Variants in PRKN observed in about 807,000 individuals in gnomAD.
PRKN encodes the protein parkin RBR E3 ubiquitin protein ligase, also known as E3 ubiquitin-protein ligase parkin.
Under a neutral mutation model 59.5 loss-of-function variants are expected in PRKN, and 56 were observed. The observed-to-expected ratio is 0.94, with a 90% CI of 0.76 to 1.18. PRKN has a LOEUF of 1.18. PRKN is among the 50% of genes most tolerant of loss of function. The probability of loss-of-function intolerance (pLI) is 0.00; values close to 1 mark genes in which losing one functional copy is unlikely to be tolerated. For synonymous variants in PRKN, 250 were observed against 222.1 expected, an observed-to-expected ratio of 1.13 and a Z score of -1.12; for missense variants, 657 against 596.4, an observed-to-expected ratio of 1.10 and a Z score of -1.06.
chr6:162,410,636 TGAA>T (rs1369433392), intron 2 of PRKN, among the ~76,000 whole-genome samples: 1 of 152,120 alleles, frequency 6.6e-6, no homozygotes, highest in East Asian at 1.9e-4. Flanking sequence ...TGATTGAAAG[TGAA>T]GATAATTTTT....
chr6:162,137,605 C>G lies in PRKN; in HGVS notation c.534+63526G>C, dbSNP rs546397386. Among the ~76,000 whole-genome samples the G allele has an allele frequency of 1.4e-4, 22 of 152,222 alleles. No homozygotes were observed. The South Asian group carries it at 3.9e-3, about 27-fold the overall frequency. On this transcript the variant is annotated intron_variant, in intron 4 of 11. Transcript: ENST00000366898. Reference sequence around the variant, plus strand: ...CTCACAGCTCTGGGGACTGGGAGGTCCAGTATCAAGGTGCTGGCATCTGGC... The same window carrying G: ...CTCACAGCTCTGGGGACTGGGAGGTGCAGTATCAAGGTGCTGGCATCTGGC...
chr6:161,645,256 A>C (rs1426429575), intron 7 of PRKN, among the ~76,000 whole-genome samples: 1 of 152,186 alleles, frequency 6.6e-6, no homozygotes, highest in Admixed American at 6.5e-5. Context: ...AAAAAAAAAA[A>C]AATGAATTAC....
At chr6:161,876,408 C>T (rs1182604947) in intron 6 of PRKN, among the ~76,000 whole-genome samples, 1 of 152,146 alleles carries the variant, frequency 6.6e-6, no homozygotes, top group Non-Finnish European at 1.5e-5. Context: ...ACCTTCTGGG[C>T]TTAAGCAATC....
rs186267299 is a variant in PRKN at position 161,526,731 on chromosome 6, T to A, written c.1083+22123A>T. On this transcript the variant is annotated intron_variant, in intron 9 of 11. Coordinates refer to ENST00000366898, the MANE Select transcript of PRKN (RefSeq NM_004562.3). This position sits in a 1 kb window ranked among gnomAD's most constrained non-coding sequence, Gnocchi z 4.1. ...TGTAGGGGACAGAAAAGACTTTCTT[T>A]ATCCTCTGAAGGTTCGATAATGTAG... Among the ~76,000 whole-genome samples the A allele has an allele frequency of 2.3e-3, 343 of 152,290 alleles. 1 individual carries two copies. The highest frequency in any genetic ancestry group is 0.014 in the Middle Eastern group (4 of 294).
intron 9 of PRKN, among the ~76,000 whole-genome samples, chr6:161,509,900 AAAAG>A (rs1306928976): frequency 2.2e-4 from 32 of 144,586 alleles, no homozygotes; most frequent in Admixed American, 6.2e-4. Context: ...AAAAAAAAAA[AAAAG>A]TTAAGCCACA....
At chr6:161,674,580 C>G (rs1785022591) in intron 7 of PRKN, among the ~76,000 whole-genome samples, 1 of 152,072 alleles carries the variant, frequency 6.6e-6, no homozygotes, top group African/African-American at 2.4e-5. Flanking sequence ...ATTTTAGATT[C>G]AGGAGGTACA....
chr6:161,865,115 T>C (rs1794062428), intron 6 of PRKN, among the ~76,000 whole-genome samples: 1 of 152,228 alleles, frequency 6.6e-6, no homozygotes, highest in Non-Finnish European at 1.5e-5. Flanking sequence ...CATGTCCTTG[T>C]ACATCTCCAT....
rs1027057997 is a variant in PRKN, at chr6:161,917,359, T to C, written c.734+55943A>G. ...GACCTCAGGTGATCCACCTACCTCG[T>C]CATCCCAAAGTGTTGGGATTACAGG... On this transcript the variant is annotated intron_variant, in intron 6 of 11. Transcript: ENST00000366898. Among the ~76,000 whole-genome samples, 7 of 152,128 alleles carry C rather than the reference T, an allele frequency of 4.6e-5. No individual in the cohort carries two copies. In the East Asian group the frequency reaches 1.2e-3, roughly 25 times the overall value.
intron 7 of PRKN, among the ~76,000 whole-genome samples, chr6:161,733,382 A>C (rs1159663951): frequency 1.3e-5 from 2 of 152,190 alleles, no homozygotes; most frequent in Admixed American, 1.3e-4. Flanking sequence ...CTTAACTTAG[A>C]ATCCTCCTGT....
intron 9 of PRKN, among the ~76,000 whole-genome samples, chr6:161,510,903 C>T (rs1435693014): frequency 2.0e-5 from 3 of 152,124 alleles, no homozygotes; most frequent in East Asian, 3.9e-4. Context: ...GGGTGTTGAC[C>T]GTATTGAGCG....
intron 2 of PRKN, among the ~76,000 whole-genome samples, chr6:162,375,838 A>G (rs1167805414): frequency 6.6e-6 from 1 of 151,892 alleles, no homozygotes; most frequent in African/African-American, 2.4e-5. Flanking sequence ...ACATATACAC[A>G]AGTAAATATA....
In PRKN at chr6:161,400,336, T is replaced by G. The variant is rs1786971980; in HGVS notation, c.1084-13459A>C. ...TTTTTTTTTTTTTTGAGATGGAATT[T>G]CACTCTTGTCACCCAGGCTGGAGTG... On this transcript the variant is annotated intron_variant, in intron 9 of 11. Transcript: ENST00000366898. The surrounding 1 kb of genome is among the most constrained non-coding windows in gnomAD (Gnocchi z 4.2). 6.6e-6 allele frequency among the ~76,000 whole-genome samples: 1 copy of G among 151,850 alleles called. No homozygotes were observed. The highest frequency in any genetic ancestry group is 2.1e-4 in the South Asian group (1 of 4,804).
At position 162,646,107 on chromosome 6, in the gene PRKN, C is replaced by T. The variant is rs377667524; in HGVS notation, c.7+81555G>A. Among the ~76,000 whole-genome samples the T allele has an allele frequency of 1.2e-3, 183 of 151,908 alleles. 1 individual carries two copies. The highest frequency in any genetic ancestry group is 4.1e-3 in the African/African-American group (169 of 41,448). On this transcript the variant is annotated intron_variant, in intron 1 of 11. Coordinates refer to ENST00000366898, the MANE Select transcript of PRKN (RefSeq NM_004562.3). ...CAGGATGGTCTCGATCTCCTGACCT[C>T]GTAAACCGCCCGCCTCGGCCTCCCA... is the stretch of plus-strand genomic sequence containing the variant.
In PRKN at chr6:162,379,624, G is replaced by T. The variant is rs561445880; in HGVS notation, c.171+63686C>A. ...CAAACTGAGCCTCAATGCCTTTCCC[G>T]CATGGACCCGCCTCTGGCTGGTGAA... On this transcript the variant is annotated intron_variant, in intron 2 of 11. Coordinates refer to ENST00000366898, the MANE Select transcript of PRKN (RefSeq NM_004562.3). Among the ~76,000 whole-genome samples the T allele has an allele frequency of 2.0e-5, 3 of 152,140 alleles. No individual in the cohort carries two copies. In the South Asian group the frequency reaches 6.2e-4, roughly 32 times the overall value.
chr6:161,951,047 G>T (rs538716175), intron 6 of PRKN, among the ~76,000 whole-genome samples: 1 of 151,320 alleles, frequency 6.6e-6, no homozygotes, highest in Non-Finnish European at 1.5e-5. Flanking sequence ...GGAAAGGTAC[G>T]GGTGTTAAGT....
chr6:161,709,736 C>A (rs954527049), intron 7 of PRKN, among the ~76,000 whole-genome samples: 5 of 152,080 alleles, frequency 3.3e-5, no homozygotes, highest in Non-Finnish European at 7.4e-5. Context: ...AATCTCAAAT[C>A]CCAAATAACC....
intron 6 of PRKN, among the ~76,000 whole-genome samples, chr6:161,922,064 A>T (rs1433099959): frequency 6.6e-6 from 1 of 152,228 alleles, no homozygotes; most frequent in Admixed American, 6.5e-5. Flanking sequence ...ATTCATGTTT[A>T]AAAAGCCCAG....
chr6:162,455,531 T>C (rs1359973935), intron 1 of PRKN, among the ~76,000 whole-genome samples: 1 of 152,176 alleles, frequency 6.6e-6, no homozygotes, highest in Non-Finnish European at 1.5e-5. Context: ...AAAGGTACAG[T>C]AAAAATATGG....
chr6:162,014,439 A>C (rs2128272323), intron 5 of PRKN, among the ~76,000 whole-genome samples: 1 of 152,242 alleles, frequency 6.6e-6, no homozygotes, highest in South Asian at 2.1e-4. Flanking sequence ...GAGGAGGGGA[A>C]ACCTTGAAGA....
Sources: allele counts gnomAD v4.1 joint callset (sites outside exome capture counted in the v4.1 genomes callset), GRCh38; gene constraint gnomAD v4.1.1; non-coding constraint Gnocchi (gnomAD v3.1); transcripts MANE v1.5; gene names NCBI Gene and HGNC (gene_info 2026-07-23, HGNC 2026-07-21).